NPL: variants seen among roughly 807,000 people sequenced by gnomAD.
NPL encodes N-acetylneuraminate pyruvate lyase, also known as N-acetylneuraminate lyase.
A neutral mutation model predicts 41.1 loss-of-function variants in NPL; 32 were observed. The observed-to-expected ratio is 0.78, with a 90% CI of 0.59 to 1.05. The LOEUF is 1.05. Ranked by LOEUF, NPL falls within the 50% of genes least tolerant of loss-of-function variation. NPL has a pLI of 0.00. For missense variants in NPL, 321 were observed against 378.4 expected, an observed-to-expected ratio of 0.85 and a Z score of 1.26; for synonymous variants, 128 against 134.9, an observed-to-expected ratio of 0.95 and a Z score of 0.35.
At chr1:182,821,956 G>T (rs1316360597) in intron 10 of NPL, among the ~76,000 whole-genome samples, 159 bp from the exon 11 acceptor site, 1 of 152,140 alleles carries the variant, frequency 6.6e-6, no homozygotes, top group East Asian at 1.9e-4. Flanking sequence ...GGAAAACTCA[G>T]AACTGAAGAC....
At chr1:182,797,530 C>T (rs1160637188) in intron 3 of NPL, among the ~76,000 whole-genome samples, 1 of 152,194 alleles carries the variant, frequency 6.6e-6, no homozygotes, top group Non-Finnish European at 1.5e-5. Flanking sequence ...ATTTCTTTGT[C>T]ACCATACCTC....
intron 5 of NPL, among the ~76,000 whole-genome samples, chr1:182,811,877 G>T (rs1012342383): frequency 1.3e-5 from 2 of 152,094 alleles, no homozygotes; most frequent in African/African-American, 4.8e-5. Flanking sequence ...TACCTCCTTT[G>T]GGGGCTGAAT....
chr1:182,790,632 TTG>T (rs922174122), intron 1 of NPL, among the ~76,000 whole-genome samples: 3 of 146,112 alleles, frequency 2.1e-5, no homozygotes, highest in Non-Finnish European at 4.4e-5. Context: ...GTTGTTGTTG[TTG>T]TTGTTGTTGT....
chr1:182,808,952 C>T (rs866120253), intron 5 of NPL, among the ~76,000 whole-genome samples: 36 of 142,714 alleles, frequency 2.5e-4, no homozygotes, highest in Middle Eastern at 3.6e-3. Context: ...AGAGCAAAAC[C>T]CTGTCTTAAA....
chr1:182,812,147 C>T lies in NPL; in HGVS notation c.231-9C>T. ...TCTAAGCGATGCAGCAGTGTTTTTT[C>T]TTTTGCAGGCTGGATCAGGTGATAA... On this transcript the variant is annotated splice_polypyrimidine_tract_variant and intron_variant, in intron 5 of 12. Transcript: ENST00000367553. 6.2e-7 allele frequency: 1 copy of T among 1,613,834 alleles called. No individual in the cohort carries two copies. Among genetic ancestry groups the T allele is most frequent in the Non-Finnish European group, 8.5e-7 (1 of 1,179,728 alleles).
At chr1:182,819,435 A>C (rs565968160) in intron 10 of NPL, among the ~76,000 whole-genome samples, 3 of 151,174 alleles carry the variant, frequency 2.0e-5, no homozygotes, top group Non-Finnish European at 3.0e-5. Context: ...AACAAGAGTG[A>C]AACTCCATCT....
chr1:182,818,799 T>G lies in NPL; in HGVS notation c.607-14T>G, dbSNP rs1667409413. On this transcript the variant is annotated splice_polypyrimidine_tract_variant and intron_variant, in intron 9 of 12. Coordinates refer to ENST00000367553, the MANE Select transcript of NPL (RefSeq NM_030769.3). ...TCTTTTTTATACAAGTGAATATTTTTTGTTTCTGATTAGCAACTGTTGAGT... is the reference window on the plus strand; with the variant it reads ...TCTTTTTTATACAAGTGAATATTTTGTGTTTCTGATTAGCAACTGTTGAGT... 6.2e-7 allele frequency: 1 copy of G among 1,614,122 alleles called. No individual in the cohort carries two copies. Among genetic ancestry groups the G allele is most frequent in the Non-Finnish European group, 8.5e-7 (1 of 1,179,980 alleles).
At chr1:182,800,993 G>A (rs1413841628) in intron 3 of NPL, among the ~76,000 whole-genome samples, 1 of 152,028 alleles carries the variant, frequency 6.6e-6, no homozygotes, top group Non-Finnish European at 1.5e-5. Context: ...GCCTCCCAAA[G>A]TGCTGAGATT....
At chr1:182,804,853 C>T (rs896282495) in intron 4 of NPL, among the ~76,000 whole-genome samples, 19 of 152,170 alleles carry the variant, frequency 1.2e-4, no homozygotes, top group South Asian at 6.2e-4. Context: ...CCCTCTACAG[C>T]GCTAAGCCAT....
chr1:182,795,147 C>T (rs559968007), intron 3 of NPL, among the ~76,000 whole-genome samples: 1 of 152,306 alleles, frequency 6.6e-6, no homozygotes, highest in South Asian at 2.1e-4. Flanking sequence ...TATAACTCCT[C>T]CTTGAACATC....
Position 182,830,309 on chromosome 1 carries a change from C to A in NPL, c.*1401C>A, listed in dbSNP as rs747425480. ...TGGTTCTGAGGATGTGATATCCGTA[C>A]TTACTGATACTAAAGCCAAATTTAA... On this transcript the variant is annotated 3_prime_UTR_variant, in exon 13 of 13. Transcript: ENST00000367553. 2 of 152,162 alleles carry A rather than the reference C, an allele frequency of 1.3e-5. No individual in the cohort carries two copies. The highest frequency in any genetic ancestry group is 4.8e-5 in the African/African-American group (2 of 41,436). The allele number at this position is 152,162 out of a possible 1,614,324, so 9.4% of individuals were successfully genotyped here.
rs765196671 is a variant in NPL, at chr1:182,818,591, C to T, written c.508C>T (p.Gln170Ter). The change falls in exon 9 of 13, where the codon CAA becomes TAA. Residue 170 changes from glutamine to a stop codon, truncating the protein, a stop_gained. Transcript: ENST00000367553. LOFTEE classifies it high-confidence loss of function. Reference sequence around the variant, plus strand: ...GATTCTGGATAAGATCCCCACCTTCCAAGGGCTGAAATTCAGTGATACAGA... The same window carrying T: ...GATTCTGGATAAGATCCCCACCTTCTAAGGGCTGAAATTCAGTGATACAGA... ...DGILDKIPTF[Q>*]GLKFSDTDLL... 6.2e-7 allele frequency: 1 copy of T among 1,614,164 alleles called. No homozygotes were observed. The highest frequency in any genetic ancestry group is 1.1e-5 in the South Asian group (1 of 91,088).
At chr1:182,812,624 AAC>A (rs1490299798) in intron 6 of NPL, among the ~76,000 whole-genome samples, 1 of 152,202 alleles carries the variant, frequency 6.6e-6, no homozygotes, top group East Asian at 1.9e-4. Flanking sequence ...AGGGAGCTAA[AAC>A]ACAAAAGGAT....
chr1:182,812,185 C>T lies in NPL; in HGVS notation c.260C>T (p.Ala87Val). 6.2e-7 allele frequency: 1 copy of T among 1,613,940 alleles called. No homozygotes were observed. Among genetic ancestry groups the T allele is most frequent in the African/African-American group, 1.3e-5 (1 of 75,036 alleles). Reference sequence around the variant, plus strand: ...GATCAGGTGATAATTCACGTAGGAGCACTGAGCTTGAAGGAGTCACAGGAA... The same window carrying T: ...GATCAGGTGATAATTCACGTAGGAGTACTGAGCTTGAAGGAGTCACAGGAA... ...KLDQVIIHVG[A>V]LSLKESQELA... Residue 87 changes from alanine (A) to valine (V), a missense_variant, in exon 6 of 13, where the codon GCA (alanine) becomes GTA (valine). Transcript: ENST00000367553.
At chr1:182,816,306 T>A (rs1571269334) in intron 7 of NPL, among the ~76,000 whole-genome samples, 1 of 152,256 alleles carries the variant, frequency 6.6e-6, no homozygotes, top group African/African-American at 2.4e-5. Context: ...ATCTTTTTGT[T>A]ACAGGATTTT....
chr1:182,804,366 G>T (rs941136256), intron 4 of NPL, among the ~76,000 whole-genome samples: 1 of 152,172 alleles, frequency 6.6e-6, no homozygotes, highest in African/African-American at 2.4e-5. Context: ...GACCTCAGGT[G>T]ATCTGCCTGC....
chr1:182,804,128 T>A (rs1291221285), intron 4 of NPL, among the ~76,000 whole-genome samples: 1 of 151,956 alleles, frequency 6.6e-6, no homozygotes, highest in Non-Finnish European at 1.5e-5. Context: ...TCTTCTCTCT[T>A]TTGTTTATTT....
intron 3 of NPL, among the ~76,000 whole-genome samples, chr1:182,797,666 A>T (rs868171286): frequency 1.3e-5 from 2 of 152,040 alleles, no homozygotes; most frequent in African/African-American, 4.8e-5. Context: ...TTCTTCCCCA[A>T]TTCTCTTAAA....
chr1:182,817,335 C>T (rs1184352498), intron 8 of NPL, among the ~76,000 whole-genome samples: 3 of 152,168 alleles, frequency 2.0e-5, no homozygotes, highest in Admixed American at 2.0e-4. Flanking sequence ...GGAGGCTGTA[C>T]TTTATAAACA....
Sources: gnomAD v4.1 joint callset for allele counts (sites outside exome capture counted in the v4.1 genomes callset) on GRCh38, gnomAD v4.1.1 for gene constraint, MANE v1.5 for transcripts, NCBI Gene and HGNC (gene_info 2026-07-23, HGNC 2026-07-21) for gene names.